The following TTBK2 variants were observed in gnomAD, a reference collection of about 807,000 sequenced individuals.
The protein encoded by TTBK2 is tau-tubulin kinase 2.
TTBK2 carries 28 observed loss-of-function variants against 110.8 expected under a neutral mutation model. The observed-to-expected ratio is 0.25, with a 90% CI of 0.19 to 0.35. The LOEUF (loss-of-function observed/expected upper bound fraction) is 0.35. Among genes scored for constraint, TTBK2 ranks in the 10% least tolerant of loss-of-function variants. TTBK2 has a pLI of 1.00. For missense variants in TTBK2, 1,369 were observed against 1,500.3 expected (o/e 0.91, Z 1.45); for synonymous variants, 532 against 527.3 (o/e 1.01, Z -0.12).
At chr15:42,815,943 TATATTTAAAAAAAAA>T (rs1445617385) in intron 7 of TTBK2, among the ~76,000 whole-genome samples, 34 of 25,754 alleles carry the variant, frequency 1.3e-3, no homozygotes, top group African/African-American at 5.7e-3. Flanking sequence ...TATATATATA[TATATTTAAAAAAAAA>T]ATATATATAT....
intron 1 of TTBK2, among the ~76,000 whole-genome samples, chr15:42,911,866 G>A (rs1011993867): frequency 5.9e-5 from 9 of 152,146 alleles, no homozygotes; most frequent in African/African-American, 2.2e-4. Flanking sequence ...TACATCAGGG[G>A]TGTCCAATCT....
chr15:42,763,193 T>TATATATATATATATATATA (rs1567009144), intron 13 of TTBK2, among the ~76,000 whole-genome samples: 1 of 3,372 alleles, frequency 3.0e-4, no homozygotes, highest in Non-Finnish European at 5.3e-4. Flanking sequence ...TATATATATA[T>TATATATATATATATATATA]TTTTTTTTTT....
At chr15:42,781,309 GA>G (rs1284237071) in intron 11 of TTBK2, among the ~76,000 whole-genome samples, 3 of 150,764 alleles carry the variant, frequency 2.0e-5, no homozygotes, top group Admixed American at 2.0e-4. Context: ...ACTCATGGAT[GA>G]AAAAAATCAT....
intron 14 of TTBK2, among the ~76,000 whole-genome samples, chr15:42,747,853 T>A (rs552053575): frequency 6.6e-6 from 1 of 152,172 alleles, no homozygotes; most frequent in African/African-American, 2.4e-5. Flanking sequence ...CATGTTTCTA[T>A]GGGAAATGAG....
Position 42,743,968 on chromosome 15 carries a change from A to T in TTBK2, c.*1827T>A, listed in dbSNP as rs1252742266. 1.4e-5 allele frequency: 2 copies of T among 147,872 alleles called. No homozygotes were observed. Among genetic ancestry groups the T allele is most frequent in the African/African-American group, 4.8e-5 (2 of 41,310 alleles). The allele number at this position is 147,872 out of a possible 1,614,324, so 9.2% of individuals were successfully genotyped here. On this transcript the variant is annotated 3_prime_UTR_variant, in exon 15 of 15. Coordinates refer to ENST00000267890, the MANE Select transcript of TTBK2 (RefSeq NM_173500.4). ...TGACAAAGAATGACTCTATATAAGGATATGTCTCTCTATATATTTATAAAT... is the reference window on the plus strand; with the variant it reads ...TGACAAAGAATGACTCTATATAAGGTTATGTCTCTCTATATATTTATAAAT...
At chr15:42,787,649 G>A (rs1162342682) in intron 10 of TTBK2, among the ~76,000 whole-genome samples, 3 of 152,156 alleles carry the variant, frequency 2.0e-5, no homozygotes, top group Non-Finnish European at 4.4e-5. Flanking sequence ...GTCAACATAA[G>A]TATCATCAGT....
intron 13 of TTBK2, among the ~76,000 whole-genome samples, chr15:42,753,504 G>T (rs1336958315): frequency 6.6e-6 from 1 of 152,136 alleles, no homozygotes; most frequent in Non-Finnish European, 1.5e-5. Flanking sequence ...GTATGCCCTG[G>T]AAGACTAATT....
chr15:42,871,430 T>C, intron 3 of TTBK2: 1 of 985,282 alleles, frequency 1.0e-6, no homozygotes, highest in Non-Finnish European at 1.2e-6. Context: ...GTGGCAAAGC[T>C]GTATCCTGCC....
intron 3 of TTBK2, among the ~76,000 whole-genome samples, chr15:42,841,442 C>G (rs58754188): frequency 0.046 from 7,001 of 152,096 alleles, 423 homozygotes; most frequent in African/African-American, 0.13. Context: ...AACTCCGGGG[C>G]TCAAGCGATC....
At chr15:42,760,465 A>C (rs1056537526) in intron 13 of TTBK2, among the ~76,000 whole-genome samples, 1 of 152,066 alleles carries the variant, frequency 6.6e-6, no homozygotes, top group Non-Finnish European at 1.5e-5. Flanking sequence ...AACAGACTAG[A>C]CCAGGCAGAA....
chr15:42,841,535 A>C (rs1173041156), intron 3 of TTBK2, among the ~76,000 whole-genome samples: 2 of 152,128 alleles, frequency 1.3e-5, no homozygotes, highest in African/African-American at 4.8e-5. Context: ...AATGATCCTA[A>C]AGCAGGTAGG....
At chr15:42,804,028 A>AG (rs1290060783) in intron 9 of TTBK2, among the ~76,000 whole-genome samples, 6 of 150,540 alleles carry the variant, frequency 4.0e-5, no homozygotes, top group African/African-American at 9.8e-5. Context: ...AAAAAAAAAA[A>AG]AAAGAGAGAG....
intron 9 of TTBK2, among the ~76,000 whole-genome samples, chr15:42,798,942 C>T (rs993461906): frequency 1.3e-5 from 2 of 152,100 alleles, no homozygotes; most frequent in African/African-American, 2.4e-5. Context: ...ATCTGAAAAT[C>T]GAAAATCCAA....
chr15:42,830,120 C>T (rs1274340084), intron 4 of TTBK2, 42 bp from the exon 5 acceptor site: 2 of 1,611,368 alleles, frequency 1.2e-6, no homozygotes, highest in Admixed American at 3.3e-5. Context: ...AGTACTAAAA[C>T]TATAGTATAA....
At chr15:42,815,555 C>A (rs549981120) in intron 7 of TTBK2, among the ~76,000 whole-genome samples, 2 of 151,596 alleles carry the variant, frequency 1.3e-5, no homozygotes, top group African/African-American at 4.9e-5. Flanking sequence ...TCATAAAGTT[C>A]GGGATGAAGG....
At chr15:42,772,317 G>C (rs778045643) in intron 13 of TTBK2, among the ~76,000 whole-genome samples, 1 of 152,050 alleles carries the variant, frequency 6.6e-6, no homozygotes, top group Non-Finnish European at 1.5e-5. Flanking sequence ...CGAGGAACTA[G>C]AGCCTCTGGC....
At chr15:42,828,079 T>C (rs1237906272) in intron 5 of TTBK2, 47 bp from the exon 6 acceptor site, 1 of 1,407,410 alleles carries the variant, frequency 7.1e-7, no homozygotes, top group Admixed American at 1.7e-5. Context: ...TAATACTTAG[T>C]CCTTACATTT....
chr15:42,774,343 T>C (rs1889806262), intron 13 of TTBK2, among the ~76,000 whole-genome samples: 1 of 152,170 alleles, frequency 6.6e-6, no homozygotes, highest in Admixed American at 6.5e-5. Context: ...TTATTTAGCC[T>C]GGGGGCTTTT....
chr15:42,777,160 C>T lies in TTBK2; in HGVS notation c.1280G>A (p.Arg427His), dbSNP rs775362114. 6.8e-6 allele frequency: 11 copies of T among 1,614,080 alleles called. No homozygotes were observed. In the African/African-American group the frequency reaches 8.0e-5, roughly 12 times the overall value. Reference protein sequence around the residue: ...APSLGSPIRVRSEITQPDRDI... With the variant: ...APSLGSPIRVHSEITQPDRDI... ...TCTGTCTGGCTGAGTAATCTCTGAG[C>T]GGACACGAATTGGTGACCCAAGGCT... Residue 427 changes from arginine (R) to histidine (H), a missense_variant, in exon 12 of 15, where the codon CGC (arginine) becomes CAC (histidine). Arg to His is a conservative substitution (Grantham distance 29). Transcript: ENST00000267890.
Sources: allele counts gnomAD v4.1 joint callset (sites outside exome capture counted in the v4.1 genomes callset), GRCh38; gene constraint gnomAD v4.1.1; transcripts MANE v1.5; gene names NCBI Gene and HGNC (gene_info 2026-07-23, HGNC 2026-07-21).